The following MRPS28 variants were observed in gnomAD, a reference collection of about 807,000 sequenced individuals.
The protein encoded by MRPS28 is small ribosomal subunit protein bS1m.
MRPS28 carries 7 observed loss-of-function variants against 10.8 expected under a neutral mutation model. That is an observed-to-expected ratio of 0.65 (90% CI 0.37 to 1.22). The LOEUF is 1.22. Among genes scored for constraint, MRPS28 ranks in the 50% most tolerant of loss-of-function variants. MRPS28 has a pLI of 0.02. For synonymous variants in MRPS28, 121 were observed against 93.3 expected, an observed-to-expected ratio of 1.30 and a Z score of -1.71; for missense variants, 265 against 232.9, an observed-to-expected ratio of 1.14 and a Z score of -0.90.
intron 2 of MRPS28, 139 bp from the exon 3 acceptor site, chr8:79,919,287 G>T: frequency 7.3e-6 from 4 of 548,478 alleles, no homozygotes; most frequent in Admixed American, 4.1e-5. Context: ...AGAAATAGCT[G>T]TATTTGACAA....
intron 2 of MRPS28, among the ~76,000 whole-genome samples, chr8:79,931,816 G>A (rs973129895): frequency 6.6e-6 from 1 of 152,168 alleles, no homozygotes; most frequent in East Asian, 1.9e-4. Context: ...TAGTTGACAG[G>A]GAAATTTTCA....
At chr8:79,934,218 T>C (rs189826357) in intron 2 of MRPS28, among the ~76,000 whole-genome samples, 13 of 152,268 alleles carry the variant, frequency 8.5e-5, no homozygotes, top group Non-Finnish European at 1.5e-4. Context: ...TTAATTTTTC[T>C]GCGTCTTACT....
chr8:80,018,552 C>G (rs562060631), intron 1 of MRPS28, among the ~76,000 whole-genome samples: 1 of 152,192 alleles, frequency 6.6e-6, no homozygotes, highest in East Asian at 1.9e-4. Context: ...TAAATTAGTA[C>G]AACCACTCTG....
At chr8:80,011,732 G>A (rs1368759049) in intron 1 of MRPS28, among the ~76,000 whole-genome samples, 1 of 151,606 alleles carries the variant, frequency 6.6e-6, no homozygotes, top group Non-Finnish European at 1.5e-5. Context: ...TAGCCTGGGC[G>A]ACAGAGTGAG....
At chr8:79,921,461 T>C (rs997857692) in intron 2 of MRPS28, among the ~76,000 whole-genome samples, 1 of 150,770 alleles carries the variant, frequency 6.6e-6, no homozygotes, top group Non-Finnish European at 1.5e-5. Context: ...CCTCTTTTAT[T>C]TCATTGAGCA....
intron 2 of MRPS28, among the ~76,000 whole-genome samples, chr8:79,944,466 T>C (rs1806848573): frequency 6.6e-6 from 1 of 152,188 alleles, no homozygotes; most frequent in Non-Finnish European, 1.5e-5. Context: ...TACGTTTATA[T>C]GTGCAGCAAA....
Position 80,021,115 on chromosome 8 carries a change from G to A in MRPS28, c.213+8921C>T, listed in dbSNP as rs548951722. Among the ~76,000 whole-genome samples the A allele has an allele frequency of 1.5e-4, 23 of 151,016 alleles. No homozygotes were observed. In the South Asian group the frequency reaches 4.2e-3, roughly 28 times the overall value. ...CCTCCCATGTTCAAGCAATTCTCCC[G>A]CCTTAGCCTCCCGAGTAGCTGGGAC... On this transcript the variant is annotated intron_variant, in intron 1 of 2. Coordinates refer to ENST00000276585, the MANE Select transcript of MRPS28 (RefSeq NM_014018.3).
intron 2 of MRPS28, among the ~76,000 whole-genome samples, chr8:79,922,416 A>G (rs190640554): frequency 7.2e-5 from 11 of 152,318 alleles, no homozygotes; most frequent in African/African-American, 2.6e-4. Flanking sequence ...GTACATCATG[A>G]TGATGACAAT....
At chr8:79,954,220 T>A (rs1035225704) in intron 2 of MRPS28, among the ~76,000 whole-genome samples, 2 of 151,846 alleles carry the variant, frequency 1.3e-5, no homozygotes, top group Admixed American at 6.6e-5. Context: ...TAAAAAAAAA[T>A]TAAAAATTAA....
intron 1 of MRPS28, among the ~76,000 whole-genome samples, chr8:80,028,401 G>T (rs982707383): frequency 6.6e-6 from 1 of 151,894 alleles, no homozygotes; most frequent in African/African-American, 2.4e-5. Context: ...CCCTTAGGTG[G>T]CTTCAGGTCA....
At chr8:79,984,834 T>G (rs1255250489) in intron 2 of MRPS28, among the ~76,000 whole-genome samples, 1 of 152,194 alleles carries the variant, frequency 6.6e-6, no homozygotes, top group East Asian at 1.9e-4. Context: ...TGGGAGACTT[T>G]AACACCCCAC....
At position 80,030,174 on chromosome 8, in the gene MRPS28, G is replaced by C; in HGVS notation, c.75C>G (p.Pro25=). ...CACTCTCAGTGCCTACACCCCGAAA[G>C]GGCCTGAAGAAGAGAAACACTCGCA... The part of the protein sequence containing the change: ...HFLRVFLFFR[P]FRGVGTESGS... The change falls in exon 1 of 3, where the codon CCC becomes CCG. Residue 25 remains proline, a synonymous_variant. Coordinates refer to ENST00000276585, the MANE Select transcript of MRPS28 (RefSeq NM_014018.3). 2 of 1,614,044 alleles carry C rather than the reference G, an allele frequency of 1.2e-6. No homozygotes were observed. Among genetic ancestry groups the C allele is most frequent in the Non-Finnish European group, 8.5e-7 (1 of 1,180,042 alleles).
At chr8:79,956,237 C>A (rs1023242685) in intron 2 of MRPS28, among the ~76,000 whole-genome samples, 2 of 151,912 alleles carry the variant, frequency 1.3e-5, no homozygotes, top group Non-Finnish European at 2.9e-5. Flanking sequence ...CAAGTTAATA[C>A]TATATGAAAT....
intron 1 of MRPS28, 79 bp from the exon 2 acceptor site, chr8:80,003,259 G>T: frequency 9.2e-7 from 1 of 1,087,330 alleles, no homozygotes; most frequent in Non-Finnish European, 1.2e-6. Context: ...TTTTCTTAAA[G>T]TCAATTGTTG....
intron 2 of MRPS28, among the ~76,000 whole-genome samples, chr8:79,993,535 T>C (rs1808420536): frequency 1.3e-5 from 2 of 152,192 alleles, no homozygotes; most frequent in Admixed American, 1.3e-4. Flanking sequence ...CTGAATTACA[T>C]GAGTTTCATG....
chr8:80,022,428 G>T (rs1408374970), intron 1 of MRPS28, among the ~76,000 whole-genome samples: 1 of 152,120 alleles, frequency 6.6e-6, no homozygotes, highest in Non-Finnish European at 1.5e-5. Flanking sequence ...GATAAATACT[G>T]TGTGTCCCAG....
At chr8:79,987,325 A>G (rs1351299536) in intron 2 of MRPS28, among the ~76,000 whole-genome samples, 1 of 152,216 alleles carries the variant, frequency 6.6e-6, no homozygotes, top group African/African-American at 2.4e-5. Flanking sequence ...TAAAAACCCT[A>G]GAAGAAAACC....
At chr8:79,988,111 T>C (rs1398494858) in intron 2 of MRPS28, among the ~76,000 whole-genome samples, 3 of 151,940 alleles carry the variant, frequency 2.0e-5, no homozygotes, top group Non-Finnish European at 4.4e-5. Flanking sequence ...GATGAGTTCA[T>C]GTCCTTTGTA....
chr8:79,920,253 A>G (rs1810052620), intron 2 of MRPS28, among the ~76,000 whole-genome samples: 2 of 152,102 alleles, frequency 1.3e-5, no homozygotes, highest in African/African-American at 2.4e-5. Context: ...ATAAACATAC[A>G]TGTGCATGTG....
Sources: gnomAD v4.1 joint callset for allele counts (sites outside exome capture counted in the v4.1 genomes callset) on GRCh38, gnomAD v4.1.1 for gene constraint, MANE v1.5 for transcripts, NCBI Gene and HGNC (gene_info 2026-07-23, HGNC 2026-07-21) for gene names.